PRAG1: variants seen among roughly 807,000 people sequenced by gnomAD.
PRAG1 encodes PEAK1 related, kinase-activating pseudokinase 1, also known as inactive tyrosine-protein kinase PRAG1.
A neutral mutation model predicts 95.6 loss-of-function variants in PRAG1; 110 were observed. That is an observed-to-expected ratio of 1.15 (90% CI 0.99 to 1.35). The LOEUF (loss-of-function observed/expected upper bound fraction) is 1.35. Among genes scored for constraint, PRAG1 ranks in the 40% most tolerant of loss-of-function variants. PRAG1 has a pLI of 0.00. For missense variants in PRAG1, 2,554 were observed against 1,864.7 expected, an observed-to-expected ratio of 1.37 and a Z score of -6.81; for synonymous variants, 1,052 against 819.4, an observed-to-expected ratio of 1.28 and a Z score of -4.85.
At chr8:8,345,920 A>C (rs1799325998) in intron 3 of PRAG1, among the ~76,000 whole-genome samples, 1 of 152,254 alleles carries the variant, frequency 6.6e-6, no homozygotes, top group Non-Finnish European at 1.5e-5. Flanking sequence ...TTAGGGCATG[A>C]GCAAAACCAC....
chr8:8,325,892 A>G (rs971567449), intron 5 of PRAG1, among the ~76,000 whole-genome samples: 1 of 151,906 alleles, frequency 6.6e-6, no homozygotes, highest in Admixed American at 6.6e-5. Context: ...AGCCTGGGCA[A>G]CAGAGCGAGA....
chr8:8,335,571 G>A (rs1798960197), intron 4 of PRAG1, among the ~76,000 whole-genome samples: 3 of 151,920 alleles, frequency 2.0e-5, no homozygotes, highest in Non-Finnish European at 4.4e-5. Flanking sequence ...TGACTTTATT[G>A]GAACAATAAT....
At chr8:8,363,056 T>C (rs959682598) in intron 3 of PRAG1, among the ~76,000 whole-genome samples, 7 of 148,266 alleles carry the variant, frequency 4.7e-5, no homozygotes, top group Non-Finnish European at 1.0e-4. Flanking sequence ...TATATATATA[T>C]AGATATAGAT....
intron 4 of PRAG1, 137 bp downstream of exon 4, chr8:8,339,340 TG>T: frequency 1.1e-6 from 1 of 900,580 alleles, no homozygotes; most frequent in South Asian, 2.0e-5. Flanking sequence ...AACAGCTCCC[TG>T]GAAGAGTCTA....
At position 8,318,553 on chromosome 8, in the gene PRAG1, G is replaced by A. The variant is rs1207734880; in HGVS notation, c.3822C>T (p.Arg1274=). The change falls in exon 6 of 6, where the codon CGC becomes CGT. Residue 1274 remains arginine (R), a synonymous_variant. Transcript: ENST00000615670. The surrounding 1 kb of genome is among the most constrained non-coding windows in gnomAD (Gnocchi z 4.2). Reference sequence around the variant, plus strand: ...GGTAGTCTCTCTCCCGCAGCTGGGCGCGCACCTCGAACGGGTTGGGTTGGT... The same window carrying A: ...GGTAGTCTCTCTCCCGCAGCTGGGCACGCACCTCGAACGGGTTGGGTTGGT... ...LLHQPNPFEV[R]AQLRERDYRQ... 3 of 1,613,528 alleles carry A rather than the reference G, an allele frequency of 1.9e-6. No homozygotes were observed. Among genetic ancestry groups the A allele is most frequent in the Admixed American group, 3.3e-5 (2 of 60,002 alleles).
chr8:8,324,678 T>G (rs374322920), intron 5 of PRAG1, among the ~76,000 whole-genome samples: 62 of 152,306 alleles, frequency 4.1e-4, no homozygotes, highest in African/African-American at 1.4e-3. Flanking sequence ...TTCTAACGTT[T>G]TGCTGAGCCA....
intron 4 of PRAG1, among the ~76,000 whole-genome samples, chr8:8,333,611 T>G (rs1225526703): frequency 6.6e-6 from 1 of 152,230 alleles, no homozygotes; most frequent in African/African-American, 2.4e-5. Flanking sequence ...CTCTTCTTGC[T>G]GGGTTTTAAT....
chr8:8,354,670 G>T (rs527597221), intron 3 of PRAG1, among the ~76,000 whole-genome samples: 1 of 152,110 alleles, frequency 6.6e-6, no homozygotes, highest in Non-Finnish European at 1.5e-5. Flanking sequence ...CAGAATGAAA[G>T]ATAGAAACCA....
chr8:8,344,522 G>A (rs2116849090), intron 3 of PRAG1, among the ~76,000 whole-genome samples: 2 of 152,264 alleles, frequency 1.3e-5, no homozygotes, highest in Middle Eastern at 6.8e-3. Context: ...GGTTGAAATG[G>A]GAATTGGATA....
At chr8:8,320,300 G>C (rs1798432800) in intron 5 of PRAG1, among the ~76,000 whole-genome samples, 1 of 152,178 alleles carries the variant, frequency 6.6e-6, no homozygotes, top group African/African-American at 2.4e-5. Context: ...GAACCCCAGG[G>C]CACCATCTGA....
chr8:8,318,659 A>G lies in PRAG1; in HGVS notation c.3716T>C (p.Leu1239Pro). The G allele has an allele frequency of 6.2e-7, 1 of 1,611,816 alleles. No homozygotes were observed. Among genetic ancestry groups the G allele is most frequent in the Non-Finnish European group, 8.5e-7 (1 of 1,179,838 alleles). ...GGAAGCAGACACGATCTCGGGGGCC[A>G]GCCGGGCCTGGCTCTTCTTCTGCTG... is the stretch of plus-strand genomic sequence containing the variant. Reference protein sequence around the residue: ...NLQQKKSQARLAPEIVSASQY... With the variant: ...NLQQKKSQARPAPEIVSASQY... The change falls in exon 6 of 6, where the codon CTG becomes CCG. Residue 1239 changes from leucine (L) to proline (P), a missense_variant. Transcript: ENST00000615670. The surrounding 1 kb of genome is among the most constrained non-coding windows in gnomAD (Gnocchi z 4.2).
intron 3 of PRAG1, among the ~76,000 whole-genome samples, chr8:8,345,046 G>GGGGTGTGTGTGTGTGTGT (rs1346555417): frequency 7.5e-6 from 1 of 133,992 alleles, no homozygotes; most frequent in African/African-American, 2.8e-5. Context: ...TTATCCGCAG[G>GGGGTGTGTGTGTGTGTGT]GTGTGTGTGT....
At chr8:8,343,546 T>A (rs1050578589) in intron 3 of PRAG1, among the ~76,000 whole-genome samples, 1 of 152,260 alleles carries the variant, frequency 6.6e-6, no homozygotes, top group African/African-American at 2.4e-5. Context: ...TTTGTAAAAC[T>A]TTTGTTTCAG....
In PRAG1 at chr8:8,376,254, T is replaced by C. The variant is rs1190965916; in HGVS notation, c.2155A>G (p.Lys719Glu). The C allele has an allele frequency of 6.2e-7, 1 of 1,612,956 alleles. No homozygotes were observed. The highest frequency in any genetic ancestry group is 2.2e-5 in the East Asian group (1 of 44,886). Reference protein sequence around the residue: ...ETFSPPPPPPKSRHLLKMNKS... With the variant: ...ETFSPPPPPPESRHLLKMNKS... ...GCAGACAATGGTACTCACCGCGACTTTGGAGGCGGAGGAGGAGGTGAGAAT... is the reference window on the plus strand; with the variant it reads ...GCAGACAATGGTACTCACCGCGACTCTGGAGGCGGAGGAGGAGGTGAGAAT... Residue 719 changes from lysine to glutamate, a missense_variant, in exon 3 of 6, where the codon AAG (lysine) becomes GAG (glutamate). Coordinates refer to ENST00000615670, the MANE Select transcript of PRAG1 (RefSeq NM_001080826.3).
chr8:8,355,851 G>A (rs1477299098), intron 3 of PRAG1, among the ~76,000 whole-genome samples: 9 of 152,164 alleles, frequency 5.9e-5, no homozygotes. Context: ...AAATCTATTT[G>A]ATATTGGCCT....
rs184076756 is a variant in PRAG1, at chr8:8,365,930, A to C, written c.2162+10317T>G. 8.9e-4 allele frequency among the ~76,000 whole-genome samples: 136 copies of C among 152,282 alleles called. 2 individuals are homozygous for C. Among genetic ancestry groups the C allele is most frequent in the African/African-American group, 3.2e-3 (131 of 41,578 alleles). The stretch of plus-strand genomic sequence containing the variant: ...AAGAGGTGGAGATTGCAGTGAGCTG[A>C]GATCGTGCTTGCACTACAGCCTGGG... On this transcript the variant is annotated intron_variant, in intron 3 of 5. Coordinates refer to ENST00000615670, the MANE Select transcript of PRAG1 (RefSeq NM_001080826.3).
In PRAG1 at chr8:8,377,030, C is replaced by A; in HGVS notation, c.1379G>T (p.Gly460Val). Residue 460 changes from glycine (G) to valine (V), a missense_variant, in exon 3 of 6, where the codon GGC becomes GTC. Physicochemically the swap from Gly to Val is moderately radical, Grantham distance 109 (BLOSUM62 -3). Coordinates refer to ENST00000615670, the MANE Select transcript of PRAG1 (RefSeq NM_001080826.3). ...GGGAGTTGGGTCTGGGCTGTCCCGG[C>A]CCCAGCCAGATGCTGCTTTCTGGGC... ...AWAQKAASGW[G>V]RDSPDPTPQV... 2 of 1,613,948 alleles carry A rather than the reference C, an allele frequency of 1.2e-6. No individual in the cohort carries two copies. Among genetic ancestry groups the A allele is most frequent in the Non-Finnish European group, 1.7e-6 (2 of 1,180,008 alleles).
At position 8,336,996 on chromosome 8, in the gene PRAG1, A is replaced by C. The variant is rs1298635892; in HGVS notation, c.2320+2482T>G. Among the ~76,000 whole-genome samples, 13 of 151,110 alleles carry C rather than the reference A, an allele frequency of 8.6e-5. No homozygotes were observed. In the Admixed American group the frequency reaches 8.6e-4, roughly 10 times the overall value. On this transcript the variant is annotated intron_variant, in intron 4 of 5. Transcript: ENST00000615670. Reference sequence around the variant, plus strand: ...CATTTCCAAGAAGTTTACACAAACTACTATCATGATATGCCCTGGAATGAC... The same window carrying C: ...CATTTCCAAGAAGTTTACACAAACTCCTATCATGATATGCCCTGGAATGAC...
chr8:8,320,814 C>A lies in PRAG1; in HGVS notation c.3073-1512G>T, dbSNP rs181094443. Among the ~76,000 whole-genome samples the A allele has an allele frequency of 3.9e-5, 6 of 152,336 alleles. No individual in the cohort carries two copies. The East Asian group carries it at 9.6e-4, about 24-fold the overall frequency. On this transcript the variant is annotated intron_variant, in intron 5 of 5. Coordinates refer to ENST00000615670, the MANE Select transcript of PRAG1 (RefSeq NM_001080826.3). ...ACTTTTAGAAGTTCTACTGCAAGCA[C>A]CTTTTCACGGAGATTTATTTATATT...
Sources: allele counts gnomAD v4.1 joint callset (sites outside exome capture counted in the v4.1 genomes callset), GRCh38; gene constraint gnomAD v4.1.1; non-coding constraint Gnocchi (gnomAD v3.1); transcripts MANE v1.5; gene names NCBI Gene and HGNC (gene_info 2026-07-23, HGNC 2026-07-21).